SLC25A26: variants seen among roughly 807,000 people sequenced by gnomAD.
SLC25A26 encodes the protein mitochondrial S-adenosylmethionine carrier protein.
SLC25A26 carries 36 observed loss-of-function variants against 37.8 expected under a neutral mutation model. That is an observed-to-expected ratio of 0.95 (90% CI 0.73 to 1.26). The LOEUF (loss-of-function observed/expected upper bound fraction) is 1.26, where lower values mean the gene tolerates loss of function less well. Among genes scored for constraint, SLC25A26 ranks in the 50% most tolerant of loss-of-function variants. The pLI is 0.00. For missense variants in SLC25A26, 390 were observed against 331.1 expected, an observed-to-expected ratio of 1.18 and a Z score of -1.38; for synonymous variants, 129 against 122.5, an observed-to-expected ratio of 1.05 and a Z score of -0.35.
In SLC25A26 at chr3:66,305,787, T is replaced by C. The variant is rs968175518; in HGVS notation, c.454-40577T>C. Among the ~76,000 whole-genome samples the C allele has an allele frequency of 1.1e-4, 17 of 152,160 alleles. 1 individual carries two copies. The highest frequency in any genetic ancestry group is 9.8e-4 in the Admixed American group (15 of 15,268). On this transcript the variant is annotated intron_variant, in intron 5 of 9. Transcript: ENST00000354883. The stretch of plus-strand genomic sequence containing the variant: ...TACATGTGCGTGTGTCTTTGTAATA[T>C]AATGATTTATATTCCTTTGAGCATA...
intron 5 of SLC25A26, among the ~76,000 whole-genome samples, chr3:66,337,417 G>A (rs1320909279): frequency 6.6e-6 from 1 of 151,856 alleles, no homozygotes; most frequent in South Asian, 2.1e-4. Flanking sequence ...TTATGAGGAA[G>A]AAAAATAGAA....
chr3:66,185,883 C>T (rs1278229626), intron 1 of SLC25A26, among the ~76,000 whole-genome samples: 2 of 152,058 alleles, frequency 1.3e-5, no homozygotes, highest in African/African-American at 4.8e-5. Flanking sequence ...CTTTTTCAGA[C>T]CTTTACCATG....
chr3:66,291,468 G>C (rs970547208), intron 5 of SLC25A26, among the ~76,000 whole-genome samples: 8 of 152,180 alleles, frequency 5.3e-5, no homozygotes, highest in African/African-American at 1.7e-4. Flanking sequence ...CTAAAACACT[G>C]CTTTAGCTGT....
chr3:66,205,314 GT>G, intron 1 of SLC25A26, among the ~76,000 whole-genome samples: 1 of 152,252 alleles, frequency 6.6e-6, no homozygotes, highest in African/African-American at 2.4e-5. Context: ...AAAATTTCCT[GT>G]CCCCAGAGTC....
Position 66,221,062 on chromosome 3 carries a change from T to C in SLC25A26, c.-33T>C, listed in dbSNP as rs1239914562. 2.0e-6 allele frequency: 3 copies of C among 1,535,630 alleles called. No homozygotes were observed. The highest frequency in any genetic ancestry group is 2.6e-6 in the Non-Finnish European group (3 of 1,146,094). On this transcript the variant is annotated 5_prime_UTR_variant, in exon 1 of 10. Transcript: ENST00000354883. ...GGACGTGATCCGCTTCTGCTCCGGC[T>C]TGGATTGTAGCCTTGACGAGGTCTG...
intron 1 of SLC25A26, among the ~76,000 whole-genome samples, chr3:66,204,977 T>A (rs980351054): frequency 1.3e-5 from 2 of 152,150 alleles, no homozygotes; most frequent in African/African-American, 2.4e-5. Context: ...GAAACGTGAA[T>A]CTCGGAAAAC....
chr3:66,320,563 G>C (rs926665221), intron 5 of SLC25A26, among the ~76,000 whole-genome samples: 7 of 152,166 alleles, frequency 4.6e-5, no homozygotes, highest in Non-Finnish European at 1.0e-4. Flanking sequence ...GCAAGGTTCT[G>C]TCTGAGTTCC....
chr3:66,346,009 A>G (rs2076313649), intron 5 of SLC25A26, among the ~76,000 whole-genome samples: 1 of 152,176 alleles, frequency 6.6e-6, no homozygotes, highest in African/African-American at 2.4e-5. Context: ...CCTGGGCAAC[A>G]TGGTGAAACC....
chr3:66,225,058 A>G lies in SLC25A26; in HGVS notation c.33+3931A>G, dbSNP rs1006946903. The stretch of plus-strand genomic sequence containing the variant: ...TTCAGTGTCTGTAGCTTTTCCAGGC[A>G]CAGGGTTCAAGCTGTCAGTGGATCT... On this transcript the variant is annotated intron_variant, in intron 1 of 9. Coordinates refer to ENST00000354883, the MANE Select transcript of SLC25A26 (RefSeq NM_001379210.1). 7.2e-5 allele frequency among the ~76,000 whole-genome samples: 11 copies of G among 152,072 alleles called. 1 individual carries two copies. Among genetic ancestry groups the G allele is most frequent in the Admixed American group, 7.2e-4 (11 of 15,272 alleles).
chr3:66,345,192 G>T (rs549232777), intron 5 of SLC25A26, among the ~76,000 whole-genome samples: 21 of 152,102 alleles, frequency 1.4e-4, no homozygotes, highest in African/African-American at 5.1e-4. Context: ...GCTGTGCCTG[G>T]GACGTGATCA....
chr3:66,280,193 A>G (rs2074290027), intron 5 of SLC25A26, among the ~76,000 whole-genome samples: 1 of 152,218 alleles, frequency 6.6e-6, no homozygotes, highest in African/African-American at 2.4e-5. Context: ...GGTCTGGTAT[A>G]TAGTTGCCTC....
intron 3 of SLC25A26, among the ~76,000 whole-genome samples, chr3:66,253,351 C>G (rs1026035920): frequency 6.7e-6 from 1 of 149,774 alleles, no homozygotes; most frequent in African/African-American, 2.5e-5. Context: ...GTGGAGCTTG[C>G]AGATCGCGCC....
rs1284872378 is a variant in SLC25A26 at position 66,369,062 on chromosome 3, AC to A, written c.569-415del. On this transcript the variant is annotated intron_variant, in intron 7 of 9. Coordinates refer to ENST00000354883, the MANE Select transcript of SLC25A26 (RefSeq NM_001379210.1). ...AAAAAAACAAAAACAAAAAAAAAAAACAAAAGACAGTGGCCTATAGAAAGTC... is the reference window on the plus strand; with the variant it reads ...AAAAAAACAAAAACAAAAAAAAAAAAAAAAGACAGTGGCCTATAGAAAGTC... 3.5e-3 allele frequency among the ~76,000 whole-genome samples: 97 copies of A among 27,670 alleles called. 9 individuals carry two copies. The highest frequency in any genetic ancestry group is 9.3e-3 in the Admixed American group (21 of 2,262). 18.2% of individuals were successfully genotyped at this position (27,670 alleles called of 152,430 possible).
intron 1 of SLC25A26, among the ~76,000 whole-genome samples, chr3:66,137,890 G>A (rs921879460): frequency 1.4e-4 from 22 of 151,932 alleles, no homozygotes; most frequent in African/African-American, 5.1e-4. Flanking sequence ...CTGGAGTGCA[G>A]TAGCCCAATC....
chr3:66,144,229 T>G (rs1022136258), intron 1 of SLC25A26, among the ~76,000 whole-genome samples: 1 of 152,114 alleles, frequency 6.6e-6, no homozygotes, highest in East Asian at 1.9e-4. Flanking sequence ...GAGCCAAGAC[T>G]GCAAGCCTGC....
intron 1 of SLC25A26, among the ~76,000 whole-genome samples, chr3:66,227,398 TGTC>T (rs782592235): frequency 2.6e-5 from 4 of 152,258 alleles, no homozygotes; most frequent in African/African-American, 4.8e-5. Context: ...TTTTATAAAA[TGTC>T]GTGTGCATTT....
At chr3:66,170,624 A>G (rs1455066332) in intron 1 of SLC25A26, among the ~76,000 whole-genome samples, 1 of 152,136 alleles carries the variant, frequency 6.6e-6, no homozygotes, top group Non-Finnish European at 1.5e-5. Flanking sequence ...AAACTGAGGT[A>G]CTGAGGAGTT....
At chr3:66,223,558 G>A (rs1385553988) in intron 1 of SLC25A26, among the ~76,000 whole-genome samples, 4 of 152,216 alleles carry the variant, frequency 2.6e-5, no homozygotes, top group African/African-American at 9.6e-5. Flanking sequence ...GAACACTCCT[G>A]AGGGAGTTTG....
chr3:66,171,779 T>C (rs2070502941), intron 1 of SLC25A26, among the ~76,000 whole-genome samples: 1 of 152,176 alleles, frequency 6.6e-6, no homozygotes, highest in African/African-American at 2.4e-5. Flanking sequence ...CGTGAGCCAC[T>C]GCACCCGGCC....
Sources: gnomAD v4.1 joint callset for allele counts (sites outside exome capture counted in the v4.1 genomes callset) on GRCh38, gnomAD v4.1.1 for gene constraint, MANE v1.5 for transcripts, NCBI Gene and HGNC (gene_info 2026-07-23, HGNC 2026-07-21) for gene names.